DLC1: variants seen among roughly 807,000 people sequenced by gnomAD.
The protein encoded by DLC1 is rho GTPase-activating protein 7.
Under a neutral mutation model 140.3 loss-of-function variants are expected in DLC1, and 54 were observed. The observed-to-expected ratio is 0.38, with a 90% CI of 0.31 to 0.48. The LOEUF is 0.48. Ranked by LOEUF, DLC1 falls within the 20% of genes least tolerant of loss-of-function variation. DLC1 has a pLI of 0.96. For synonymous variants in DLC1, 986 were observed against 728.1 expected, an observed-to-expected ratio of 1.35 and a Z score of -5.70; for missense variants, 2,536 against 1,907.0, an observed-to-expected ratio of 1.33 and a Z score of -6.14.
At chr8:13,336,819 T>C (rs1729109) in intron 4 of DLC1, among the ~76,000 whole-genome samples, 129,983 of 152,112 alleles carry the variant, frequency 0.85, 55,958 homozygotes, top group East Asian at 0.95. Context: ...CAAATATAAA[T>C]GGATATTATT....
At chr8:13,530,268 T>C (rs1803052466) in intron 1 of DLC1, among the ~76,000 whole-genome samples, 1 of 152,190 alleles carries the variant, frequency 6.6e-6, no homozygotes. Context: ...CTACCAAATT[T>C]CTGGTCTTGC....
At chr8:13,204,290 G>T (rs181862835) in intron 5 of DLC1, among the ~76,000 whole-genome samples, 2 of 152,076 alleles carry the variant, frequency 1.3e-5, no homozygotes, top group Non-Finnish European at 2.9e-5. Context: ...ACAGAGAGAC[G>T]GAGTGCAAAA....
chr8:13,174,425 T>C (rs1458295606), intron 5 of DLC1, among the ~76,000 whole-genome samples: 2 of 152,218 alleles, frequency 1.3e-5, no homozygotes, highest in Non-Finnish European at 2.9e-5. Flanking sequence ...TTTTTAGTTC[T>C]TTGAGAAATC....
rs1328743019 is a variant in DLC1, at chr8:13,188,799, G to GTA, written c.1349-73143_1349-73142insTA. Among the ~76,000 whole-genome samples, 268 of 79,482 alleles carry GTA rather than the reference G, an allele frequency of 3.4e-3. 1 individual carries two copies. Among genetic ancestry groups the GTA allele is most frequent in the African/African-American group, 0.014 (251 of 17,708 alleles). The allele number at this position is 79,482 out of a possible 152,430, so 52.1% of individuals were successfully genotyped here. ...CTAATGTGTGTGTGTGTGTGTGTGT[G>GTA]TGTATATATATATATATATATATAT... is the stretch of plus-strand genomic sequence containing the variant. On this transcript the variant is annotated intron_variant, in intron 5 of 17. Transcript: ENST00000276297.
chr8:13,085,598 G>A lies in DLC1; in HGVS notation c.*213C>T. 3 of 522,376 alleles carry A rather than the reference G, an allele frequency of 5.7e-6. No individual in the cohort carries two copies. The highest frequency in any genetic ancestry group is 9.1e-6 in the Non-Finnish European group (3 of 328,980). 32.4% of individuals were successfully genotyped at this position (522,376 alleles called of 1,614,324 possible). On this transcript the variant is annotated 3_prime_UTR_variant, in exon 18 of 18. Transcript: ENST00000276297. ...TAAATTTTTTTTTTTTTTTTGCACA[G>A]TCTTACATATTCCAGTCAAGGTCTA...
chr8:13,428,077 C>T (rs905809546), intron 2 of DLC1, among the ~76,000 whole-genome samples: 1 of 152,118 alleles, frequency 6.6e-6, no homozygotes, highest in Non-Finnish European at 1.5e-5. Flanking sequence ...GAATGAAAGG[C>T]ATTTTGTTTT....
At chr8:13,143,456 C>T (rs1401776060) in intron 5 of DLC1, among the ~76,000 whole-genome samples, 1 of 152,116 alleles carries the variant, frequency 6.6e-6, no homozygotes, top group Non-Finnish European at 1.5e-5. Flanking sequence ...CAGGTAACTT[C>T]AGTGAGTTTT....
chr8:13,312,515 T>G (rs957242032), intron 4 of DLC1, among the ~76,000 whole-genome samples: 1 of 152,024 alleles, frequency 6.6e-6, no homozygotes, highest in Non-Finnish European at 1.5e-5. Context: ...TTACAATTGA[T>G]GACTTAGTCA....
At chr8:13,488,744 A>G (rs1167383185) in intron 2 of DLC1, among the ~76,000 whole-genome samples, 2 of 152,208 alleles carry the variant, frequency 1.3e-5, no homozygotes, top group African/African-American at 4.8e-5. Flanking sequence ...TGTAGTTCAA[A>G]ACTTACCGAA....
At chr8:13,192,143 G>T (rs1347952562) in intron 5 of DLC1, among the ~76,000 whole-genome samples, 1 of 151,676 alleles carries the variant, frequency 6.6e-6, no homozygotes, top group Non-Finnish European at 1.5e-5. Flanking sequence ...TAGAGACAGG[G>T]TTTTACCATG....
At chr8:13,527,764 C>A (rs756217522) in intron 1 of DLC1, among the ~76,000 whole-genome samples, 1 of 152,092 alleles carries the variant, frequency 6.6e-6, no homozygotes, top group Non-Finnish European at 1.5e-5. Context: ...GTTTTCACCA[C>A]TATTTTGTCA....
intron 1 of DLC1, among the ~76,000 whole-genome samples, chr8:13,576,253 T>G (rs1804832720): frequency 6.6e-6 from 1 of 152,118 alleles, no homozygotes; most frequent in African/African-American, 2.4e-5. Context: ...CCCAGGTAGT[T>G]AAGGGGTTTG....
intron 5 of DLC1, among the ~76,000 whole-genome samples, chr8:13,304,298 C>T (rs1236645106): frequency 2.0e-5 from 3 of 152,064 alleles, no homozygotes; most frequent in Non-Finnish European, 2.9e-5. Context: ...CATATGATGC[C>T]AGTTCAATAT....
rs753500713 is a variant in DLC1, at chr8:13,475,914, G to T, written c.1023+23135C>A. Among the ~76,000 whole-genome samples, 22 of 152,098 alleles carry T rather than the reference G, an allele frequency of 1.4e-4. 1 individual carries two copies. Among genetic ancestry groups the T allele is most frequent in the Non-Finnish European group, 4.4e-5 (3 of 68,034 alleles). ...AACTGCCTTCACTCCCTTCAATCTG[G>T]TATTTTCTGCAGTTCCCACATACTT... On this transcript the variant is annotated intron_variant, in intron 2 of 17. Coordinates refer to ENST00000276297, the MANE Select transcript of DLC1 (RefSeq NM_182643.3).
intron 2 of DLC1, among the ~76,000 whole-genome samples, chr8:13,413,110 A>G (rs1837864533): frequency 6.6e-6 from 1 of 151,992 alleles, no homozygotes; most frequent in Non-Finnish European, 1.5e-5. Context: ...TGATAAGGAA[A>G]GTGTTCTATA....
intron 5 of DLC1, among the ~76,000 whole-genome samples, chr8:13,272,185 T>C (rs1421429405): frequency 2.6e-5 from 4 of 152,222 alleles, no homozygotes; most frequent in Non-Finnish European, 5.9e-5. Flanking sequence ...CAGTGGCTCA[T>C]GCCTGTAATC....
intron 5 of DLC1, among the ~76,000 whole-genome samples, chr8:13,241,835 C>G (rs1053668131): frequency 2.0e-5 from 3 of 151,994 alleles, no homozygotes; most frequent in African/African-American, 7.3e-5. Context: ...ATATCCAGAC[C>G]CCGGGGTCCT....
At chr8:13,217,695 G>C (rs191454831) in intron 5 of DLC1, among the ~76,000 whole-genome samples, 92 of 151,928 alleles carry the variant, frequency 6.1e-4, no homozygotes, top group African/African-American at 1.8e-3. Flanking sequence ...AAAATTAGCC[G>C]GGCGTGGTGG....
intron 5 of DLC1, among the ~76,000 whole-genome samples, chr8:13,219,213 A>G (rs1299587619): frequency 7.5e-6 from 1 of 133,376 alleles, no homozygotes; most frequent in Non-Finnish European, 1.5e-5. Context: ...TAATTATATA[A>G]TTATAATATG....
Sources: allele counts gnomAD v4.1 joint callset (sites outside exome capture counted in the v4.1 genomes callset), GRCh38; gene constraint gnomAD v4.1.1; transcripts MANE v1.5; gene names NCBI Gene and HGNC (gene_info 2026-07-23, HGNC 2026-07-21).